HIP1R: variants seen among roughly 807,000 people sequenced by gnomAD.
HIP1R encodes the protein huntingtin interacting protein 1 related, also known as huntingtin-interacting protein 1-related protein.
In HIP1R, 135 loss-of-function variants were observed where a neutral mutation model predicts 144.2. The observed-to-expected ratio is 0.94, with a 90% CI of 0.81 to 1.08. The LOEUF is 1.08. Among genes scored for constraint, HIP1R ranks in the 50% least tolerant of loss-of-function variants. The probability of loss-of-function intolerance (pLI) is 0.00; values close to 1 mark genes in which losing one functional copy is unlikely to be tolerated. For synonymous variants in HIP1R, 698 were observed against 612.8 expected, an observed-to-expected ratio of 1.14 and a Z score of -2.05; for missense variants, 1,462 against 1,432.8, an observed-to-expected ratio of 1.02 and a Z score of -0.33.
chr12:122,861,635 T>C, intron 31 of HIP1R, 71 bp from the exon 32 acceptor site: 1 of 1,593,800 alleles, frequency 6.3e-7, no homozygotes, highest in Non-Finnish European at 8.6e-7. Context: ...AGGGAGGAGC[T>C]TGCTCAAGGG....
Position 122,860,220 on chromosome 12 carries a change from CG to C in HIP1R, c.2559+12del, listed in dbSNP as rs748094802. On this transcript the variant is annotated intron_variant, in intron 26 of 31. Coordinates refer to ENST00000253083, the MANE Select transcript of HIP1R (RefSeq NM_003959.3). Reference sequence around the variant, plus strand: ...CGTGGAGAGCGGCAGGGTGAGGGGCCGGCGGCAGCAGGGCACAGTCCACAAG... The same window carrying C: ...CGTGGAGAGCGGCAGGGTGAGGGGCCGCGGCAGCAGGGCACAGTCCACAAG... The C allele has an allele frequency of 1.9e-6, 3 of 1,549,956 alleles. No individual in the cohort carries two copies. Among genetic ancestry groups the C allele is most frequent in the South Asian group, 2.4e-5 (2 of 84,506 alleles).
intron 1 of HIP1R, among the ~76,000 whole-genome samples, chr12:122,842,554 G>T (rs1470298719): frequency 6.6e-6 from 1 of 152,236 alleles, no homozygotes; most frequent in Non-Finnish European, 1.5e-5. Context: ...GTATTCGGGG[G>T]TTGGAGGTGG....
intron 1 of HIP1R, among the ~76,000 whole-genome samples, 176 bp downstream of exon 1, chr12:122,835,819 C>G (rs1436026388): frequency 6.7e-6 from 1 of 148,876 alleles, no homozygotes; most frequent in Admixed American, 6.7e-5. Context: ...CTGCCGCCCC[C>G]CGCCGGCCTC....
In HIP1R at chr12:122,858,837, G is replaced by C. The variant is rs2135675297; in HGVS notation, c.2051-1G>C. 1 of 1,610,622 alleles carries C rather than the reference G, an allele frequency of 6.2e-7. No homozygotes were observed. The highest frequency in any genetic ancestry group is 8.5e-7 in the Non-Finnish European group (1 of 1,177,944). ...AACCTTGGCCCCACCCACCCGCACA[G>C]ACGCCTCCGCCCTGGTGGCAGCTCT... is the stretch of plus-strand genomic sequence containing the variant. On this transcript the variant is annotated splice_acceptor_variant, in intron 20 of 31. Transcript: ENST00000253083. LOFTEE classifies it high-confidence loss of function.
chr12:122,848,408 G>A (rs947091049), intron 2 of HIP1R, 58 bp from the exon 3 acceptor site: 3 of 1,559,272 alleles, frequency 1.9e-6, no homozygotes, highest in Non-Finnish European at 2.6e-6. Flanking sequence ...CTCTCAGCCG[G>A]GTTTGCTGAG....
chr12:122,836,945 A>G lies in HIP1R; in HGVS notation c.93+1302A>G, dbSNP rs2032914137. ...GAACCCAGGTGGCTGCAAATTACCA[A>G]TTTAGCCTTGTGATCTTCATCACCA... On this transcript the variant is annotated intron_variant, in intron 1 of 31. Coordinates refer to ENST00000253083, the MANE Select transcript of HIP1R (RefSeq NM_003959.3). This position sits in a 1 kb window ranked among gnomAD's most constrained non-coding sequence, Gnocchi z 4.1. Among the ~76,000 whole-genome samples the G allele has an allele frequency of 6.6e-6, 1 of 152,180 alleles. No homozygotes were observed. The highest frequency in any genetic ancestry group is 2.4e-5 in the African/African-American group (1 of 41,432).
rs1001657078 is a variant in HIP1R, at chr12:122,859,544, C to T, written c.2406+8C>T. 36 of 1,603,526 alleles carry T rather than the reference C, an allele frequency of 2.2e-5. No individual in the cohort carries two copies. Among genetic ancestry groups the T allele is most frequent in the Middle Eastern group, 3.3e-4 (2 of 6,038 alleles). On this transcript the variant is annotated splice_region_variant and intron_variant, in intron 23 of 31. Coordinates refer to ENST00000253083, the MANE Select transcript of HIP1R (RefSeq NM_003959.3). ...GCTGTGCGGAGGATTGAGGTGAGCA[C>T]GGGATCTGGGGACTCCCCTCATTCC...
At chr12:122,854,255 GA>G (rs1235395029) in intron 8 of HIP1R, 72 bp downstream of exon 8, 9 of 1,280,976 alleles carry the variant, frequency 7.0e-6, no homozygotes, top group Non-Finnish European at 9.2e-6. Context: ...TGTCAAAAAG[GA>G]AAATCGAAAA....
intron 1 of HIP1R, among the ~76,000 whole-genome samples, chr12:122,842,651 C>T (rs1418224412): frequency 6.6e-6 from 1 of 152,240 alleles, no homozygotes; most frequent in African/African-American, 2.4e-5. Flanking sequence ...CAGCCGCTGC[C>T]TGGAGCCTCC....
At position 122,857,130 on chromosome 12, in the gene HIP1R, T is replaced by C. The variant is rs1163189710; in HGVS notation, c.1730T>C (p.Val577Ala). 1 of 1,550,442 alleles carries C rather than the reference T, an allele frequency of 6.4e-7. No homozygotes were observed. Among genetic ancestry groups the C allele is most frequent in the Admixed American group, 2.0e-5 (1 of 51,010 alleles). Residue 577 changes from valine (V) to alanine (A), a missense_variant, in exon 18 of 32, where the codon GTG becomes GCG. Val to Ala is a moderately conservative substitution (Grantham distance 64). Transcript: ENST00000253083. Reference sequence around the variant, plus strand: ...GACCTGCTGGCGGCGCAGAGCCTGGTGCGCGAGACAGAGGCGGCGCTGAGC... The same window carrying C: ...GACCTGCTGGCGGCGCAGAGCCTGGCGCGCGAGACAGAGGCGGCGCTGAGC... The part of the protein sequence containing the change: ...EADLLAAQSL[V>A]RETEAALSRE...
Position 122,850,873 on chromosome 12 carries a change from G to T in HIP1R, c.477G>T (p.Glu159Asp), listed in dbSNP as rs1383747284. ...QFPAGLEVTD[E>D]VLEKAAGTDV... is the part of the protein sequence containing the mutation. ...CCGCGGGCCTGGAGGTGACAGATGA[G>T]GTACTGGAGAAGGCAGCTGGGACCG... The change falls in exon 6 of 32, where the codon GAG (glutamate) becomes GAT (aspartate). Residue 159 changes from glutamate (E) to aspartate (D), a missense_variant. Around this residue, in one of 2 missense-constraint regions of HIP1R, gnomAD observed 350 missense variants for 421.1 expected, o/e 0.83. Coordinates refer to ENST00000253083, the MANE Select transcript of HIP1R (RefSeq NM_003959.3). The T allele has an allele frequency of 3.7e-6, 6 of 1,611,058 alleles. No homozygotes were observed. The South Asian group carries it at 5.5e-5, about 15-fold the overall frequency.
At chr12:122,857,450 A>G (rs1162905177) in intron 18 of HIP1R, 1 of 594,994 alleles carries the variant, frequency 1.7e-6, no homozygotes, top group Non-Finnish European at 3.0e-6. Flanking sequence ...GTGTGGACAG[A>G]CCACATTGTG....
rs117703564 is a variant in HIP1R, at chr12:122,840,263, A to G, written c.93+4620A>G. Among the ~76,000 whole-genome samples, 1,384 of 152,294 alleles carry G rather than the reference A, an allele frequency of 9.1e-3. 11 individuals are homozygous for G. Among genetic ancestry groups the G allele is most frequent in the Non-Finnish European group, 0.016 (1,061 of 68,014 alleles). On this transcript the variant is annotated intron_variant, in intron 1 of 31. Transcript: ENST00000253083. This position sits in a 1 kb window ranked among gnomAD's most constrained non-coding sequence, Gnocchi z 4.2. ...CTGTCTCTGATGTGTTTTGATGCCC[A>G]TGACACATTCCTGAGCGCCGCTTGC...
intron 1 of HIP1R, among the ~76,000 whole-genome samples, chr12:122,842,298 G>A (rs376998195): frequency 9.2e-5 from 14 of 152,312 alleles, no homozygotes; most frequent in African/African-American, 3.1e-4. Flanking sequence ...GGAGGCTTAC[G>A]TCTGATTCAT....
intron 26 of HIP1R, 24 bp downstream of exon 26, chr12:122,860,234 C>A: frequency 6.5e-7 from 1 of 1,544,142 alleles, no homozygotes. Context: ...GGCAGCAGGG[C>A]ACAGTCCACA....
Position 122,849,946 on chromosome 12 carries a change from C to T in HIP1R, c.429C>T (p.Phe143=). 1 of 1,613,058 alleles carries T rather than the reference C, an allele frequency of 6.2e-7. No individual in the cohort carries two copies. Among genetic ancestry groups the T allele is most frequent in the Non-Finnish European group, 8.5e-7 (1 of 1,179,382 alleles). ...AGCTGCTGCTGACCAAGATCTCCTTCCACCTCAAGGTGGTTTCCTCGGGGG... is the reference window on the plus strand; with the variant it reads ...AGCTGCTGCTGACCAAGATCTCCTTTCACCTCAAGGTGGTTTCCTCGGGGG... ...YTKLLLTKIS[F]HLKHPQFPAG... Residue 143 remains phenylalanine (F), a synonymous_variant, in exon 5 of 32, where the codon TTC becomes TTT. Coordinates refer to ENST00000253083, the MANE Select transcript of HIP1R (RefSeq NM_003959.3).
rs770160920 is a variant in HIP1R at position 122,854,056 on chromosome 12, C to T, written c.591C>T (p.Leu197=). ...CCTTTTGCACAGTTTTCCGACAGCT[C>T]AACACGGCCATCGCCGTATCCCAGA... The part of the protein sequence containing the change: ...LKLSESVFRQ[L]NTAIAVSQMS... The change falls in exon 8 of 32, where the codon CTC becomes CTT. Residue 197 remains leucine, a synonymous_variant. Transcript: ENST00000253083. 3 of 1,613,730 alleles carry T rather than the reference C, an allele frequency of 1.9e-6. No individual in the cohort carries two copies. The highest frequency in any genetic ancestry group is 2.5e-6 in the Non-Finnish European group (3 of 1,179,866).
At chr12:122,855,782 T>C in intron 12 of HIP1R, 49 bp from the exon 13 acceptor site, 1 of 1,542,358 alleles carries the variant, frequency 6.5e-7, no homozygotes, top group East Asian at 2.4e-5. Flanking sequence ...GCTGGGTCTG[T>C]TGACTGTTCT....
At position 122,858,179 on chromosome 12, in the gene HIP1R, C is replaced by T. The variant is rs552378575; in HGVS notation, c.1893C>T (p.Ala631=). ...FAVLRGAAAE[A]AGILQDAVSK... is the part of the protein sequence containing the mutation. ...TGTTGCGGGGCGCTGCTGCCGAGGC[C>T]GCGGGCATCCTGCAGGATGCCGTGA... The change falls in exon 19 of 32, where the codon GCC becomes GCT. Residue 631 remains alanine, a synonymous_variant. Transcript: ENST00000253083. The T allele has an allele frequency of 2.5e-5, 40 of 1,607,340 alleles. No homozygotes were observed. The highest frequency in any genetic ancestry group is 2.1e-4 in the African/African-American group (16 of 74,880).
Sources: gnomAD v4.1 joint callset for allele counts (sites outside exome capture counted in the v4.1 genomes callset) on GRCh38, gnomAD v4.1.1 for gene constraint, gnomAD v4.1.1 regional missense constraint, Gnocchi (gnomAD v3.1) non-coding constraint, MANE v1.5 for transcripts, NCBI Gene and HGNC (gene_info 2026-07-23, HGNC 2026-07-21) for gene names.